The following KDM6A variants were observed in gnomAD, a reference collection of about 807,000 sequenced individuals.
KDM6A encodes the protein lysine-specific demethylase 6A.
A neutral mutation model predicts 117.6 loss-of-function variants in KDM6A; 11 were observed. The observed-to-expected ratio is 0.09, with a 90% CI of 0.06 to 0.15. The LOEUF (loss-of-function observed/expected upper bound fraction) is 0.15, where lower values mean the gene tolerates loss of function less well. KDM6A is among the 10% of genes least tolerant of loss of function. The pLI, the probability that KDM6A is intolerant of heterozygous loss-of-function variation, is 1.00. For synonymous variants in KDM6A, 384 were observed against 396.1 expected (o/e 0.97, Z 0.36); for missense variants, 799 against 1,077.3 (o/e 0.74, Z 3.62).
chrX:44,956,732 A>T (rs966515959), intron 2 of KDM6A, among the ~76,000 whole-genome samples: 1 of 111,879 alleles, frequency 8.9e-6, no homozygotes, highest in Non-Finnish European at 1.9e-5. Flanking sequence ...TTCATGGATG[A>T]TACATTGACC....
At chrX:44,926,180 C>T (rs1472233269) in intron 2 of KDM6A, among the ~76,000 whole-genome samples, 4 of 108,135 alleles carry the variant, frequency 3.7e-5, no homozygotes, top group Admixed American at 1.0e-4. Context: ...AAGCGATTCT[C>T]GTGCCTCAGT....
chrX:45,091,676 T>C (rs1258478917), intron 27 of KDM6A, among the ~76,000 whole-genome samples: 2 of 112,215 alleles, frequency 1.8e-5, no homozygotes, highest in African/African-American at 6.5e-5. Context: ...CCCAAACTTA[T>C]TTGACCAGTA....
chrX:45,036,126 G>A (rs1489931939), intron 7 of KDM6A, among the ~76,000 whole-genome samples: 2 of 110,624 alleles, frequency 1.8e-5, no homozygotes, highest in African/African-American at 6.6e-5. Context: ...TTTGTTTTTT[G>A]TTTCATTTTG....
chrX:44,961,862 A>C (rs964706955), intron 3 of KDM6A, among the ~76,000 whole-genome samples: 2 of 112,121 alleles, frequency 1.8e-5, no homozygotes, highest in Non-Finnish European at 3.8e-5. Context: ...ACCAGTTTTT[A>C]AAATTTACTT....
At chrX:45,095,012 G>A (rs772077256) in intron 27 of KDM6A, among the ~76,000 whole-genome samples, 3 of 111,357 alleles carry the variant, frequency 2.7e-5, no homozygotes, top group East Asian at 2.8e-4. Flanking sequence ...TTTAGGTTTC[G>A]TAAAGGTGTT....
chrX:45,035,785 C>T (rs5952670), intron 7 of KDM6A, among the ~76,000 whole-genome samples: 18,516 of 108,812 alleles, frequency 0.17, 2,370 homozygotes, highest in African/African-American at 0.44. Context: ...CTGCAAGCTC[C>T]GCCTACCGGG....
At chrX:44,987,963 A>G (rs1569505488) in intron 4 of KDM6A, among the ~76,000 whole-genome samples, 2 of 111,035 alleles carry the variant, frequency 1.8e-5, no homozygotes, top group Non-Finnish European at 3.8e-5. Flanking sequence ...CTGCCTTGCT[A>G]GATTGTGGAA....
chrX:45,001,781 C>T (rs1221557144), intron 4 of KDM6A, among the ~76,000 whole-genome samples: 2 of 111,233 alleles, frequency 1.8e-5, no homozygotes, highest in East Asian at 5.6e-4. Flanking sequence ...CTTGAGGGAG[C>T]GGTGCTTTCT....
chrX:44,874,242 A>T (rs1240579254), intron 2 of KDM6A, among the ~76,000 whole-genome samples: 2 of 111,968 alleles, frequency 1.8e-5, no homozygotes, highest in Non-Finnish European at 3.8e-5. Context: ...CTGGGTCGAC[A>T]CAACTGCCTG....
intron 18 of KDM6A, among the ~76,000 whole-genome samples, chrX:45,072,349 A>C (rs191337341): frequency 9.0e-6 from 1 of 111,608 alleles, no homozygotes; most frequent in Admixed American, 9.5e-5. Flanking sequence ...TCTCTAAATG[A>C]AATTCTTCTA....
intron 3 of KDM6A, among the ~76,000 whole-genome samples, chrX:44,968,746 G>A (rs930412744): frequency 1.8e-5 from 2 of 111,356 alleles, no homozygotes; most frequent in Non-Finnish European, 3.8e-5. Context: ...CGAGGCGGGC[G>A]GATCACCTGA....
intron 2 of KDM6A, among the ~76,000 whole-genome samples, chrX:44,926,232 C>T (rs1039506833): frequency 9.1e-6 from 1 of 110,236 alleles, no homozygotes; most frequent in South Asian, 3.9e-4. Flanking sequence ...GCTACCATGC[C>T]TGGCTAATTT....
intron 4 of KDM6A, among the ~76,000 whole-genome samples, chrX:44,991,678 T>TTTGTTG (rs752362184): frequency 9.0e-6 from 1 of 111,496 alleles, no homozygotes; most frequent in Non-Finnish European, 1.9e-5. Context: ...AGTGGGTGTT[T>TTTGTTG]TTGTTGTTGT....
chrX:44,931,363 C>T (rs1456960728), intron 2 of KDM6A, among the ~76,000 whole-genome samples: 2 of 111,948 alleles, frequency 1.8e-5, no homozygotes, highest in Non-Finnish European at 3.8e-5. Flanking sequence ...GCGTGAACTA[C>T]ACACCCGGCC....
intron 5 of KDM6A, among the ~76,000 whole-genome samples, chrX:45,018,319 T>G (rs1454941560): frequency 9.0e-6 from 1 of 111,049 alleles, no homozygotes; most frequent in East Asian, 2.8e-4. Context: ...GAACTTTGAT[T>G]ATATATATAT....
Position 44,987,359 on chromosome X carries a change from C to G in KDM6A, c.384+12644C>G, listed in dbSNP as rs761060347. The stretch of plus-strand genomic sequence containing the variant: ...ACACTGATGGGTCTTGACTCTTTAT[C>G]CAGTTTGCCAGTCTGTGTCTTTTAA... On this transcript the variant is annotated intron_variant, in intron 4 of 29. Coordinates refer to ENST00000611820, the MANE Select transcript of KDM6A (RefSeq NM_001291415.2). Among the ~76,000 whole-genome samples the G allele has an allele frequency of 6.3e-5, 7 of 111,497 alleles. No individual in the cohort carries two copies. The South Asian group carries it at 2.3e-3, about 36-fold the overall frequency.
rs748921036 is a variant in KDM6A, at chrX:45,107,410, G to T, written c.4035G>T (p.Lys1345Asn). ...VSDPKLFEMI[K>N]YCLLRTLKQC... ...ACAAATAATTTCTCCCCCACAATAG[G>T]TATTGTCTTCTAAGAACTCTGAAGC... The change falls in exon 28 of 30, where the codon AAG becomes AAT. Residue 1345 changes from lysine (K) to asparagine (N), a missense_variant and splice_region_variant. Lys to Asn is a moderately conservative substitution (Grantham distance 94). Transcript: ENST00000611820. 1 of 1,206,334 alleles carries T rather than the reference G, an allele frequency of 8.3e-7. No homozygotes were observed. The highest frequency in any genetic ancestry group is 1.1e-6 in the Non-Finnish European group (1 of 890,895).
At chrX:45,063,279 G>T in intron 16 of KDM6A, 143 bp from the exon 17 acceptor site, 1 of 541,512 alleles carries the variant, frequency 1.8e-6, no homozygotes. Context: ...TCAACTTAGA[G>T]AAATTAAGCA....
intron 28 of KDM6A, among the ~76,000 whole-genome samples, chrX:45,108,810 T>C (rs2148296418): frequency 1.0e-5 from 1 of 99,716 alleles, no homozygotes; most frequent in East Asian, 3.1e-4. Context: ...TGAGTTCATG[T>C]CCTTTGTAGG....
Sources: allele counts gnomAD v4.1 joint callset (sites outside exome capture counted in the v4.1 genomes callset), GRCh38; gene constraint gnomAD v4.1.1; transcripts MANE v1.5; gene names NCBI Gene and HGNC (gene_info 2026-07-23, HGNC 2026-07-21).